The following CTNNA3 variants were observed in gnomAD, a reference collection of about 807,000 sequenced individuals.
CTNNA3 encodes catenin alpha-3.
A neutral mutation model predicts 95.7 loss-of-function variants in CTNNA3; 76 were observed. The observed-to-expected ratio is 0.79, with a 90% CI of 0.66 to 0.96. The LOEUF (loss-of-function observed/expected upper bound fraction) is 0.96, where lower values mean the gene tolerates loss of function less well. Among genes scored for constraint, CTNNA3 ranks in the 40% least tolerant of loss-of-function variants. The pLI, the probability that CTNNA3 is intolerant of heterozygous loss-of-function variation, is 0.00. For synonymous variants in CTNNA3, 431 were observed against 374.4 expected, an observed-to-expected ratio of 1.15 and a Z score of -1.74; for missense variants, 1,191 against 1,089.8, an observed-to-expected ratio of 1.09 and a Z score of -1.31.
intron 2 of CTNNA3, among the ~76,000 whole-genome samples, chr10:67,637,471 C>A (rs1839358757): frequency 6.6e-6 from 1 of 152,182 alleles, no homozygotes; most frequent in Non-Finnish European, 1.5e-5. Context: ...CTTCCCCAAT[C>A]TAGCAAGGCA....
intron 5 of CTNNA3, among the ~76,000 whole-genome samples, chr10:67,419,446 A>G (rs1845665605): frequency 6.6e-6 from 1 of 151,684 alleles, no homozygotes; most frequent in South Asian, 2.1e-4. Flanking sequence ...GGTTTGGAGC[A>G]TGGACCTCGT....
chr10:67,689,692 G>A (rs575128039), intron 1 of CTNNA3, among the ~76,000 whole-genome samples: 96 of 152,076 alleles, frequency 6.3e-4, no homozygotes, highest in Non-Finnish European at 1.1e-3. Context: ...GTCAACCCTC[G>A]GCTCAGCCTG....
chr10:66,199,799 ATATAT>A (rs1346632718), intron 13 of CTNNA3, among the ~76,000 whole-genome samples: 7 of 13,848 alleles, frequency 5.1e-4, no homozygotes, highest in African/African-American at 2.0e-3. Context: ...ATATATATAT[ATATAT>A]ATTTTTTTTT....
intron 5 of CTNNA3, among the ~76,000 whole-genome samples, chr10:67,503,967 C>G (rs536088297): frequency 1.3e-5 from 2 of 151,994 alleles, no homozygotes; most frequent in South Asian, 4.2e-4. Flanking sequence ...ACCATCCTGG[C>G]TAACATGGTG....
intron 9 of CTNNA3, among the ~76,000 whole-genome samples, chr10:66,731,920 T>G (rs529407346): frequency 6.6e-4 from 101 of 152,320 alleles, no homozygotes; most frequent in African/African-American, 2.1e-3. Context: ...TGACCTTAAA[T>G]GTAACAGTTT....
intron 5 of CTNNA3, among the ~76,000 whole-genome samples, chr10:67,312,252 T>C (rs1840843462): frequency 6.6e-6 from 1 of 152,112 alleles, no homozygotes; most frequent in Non-Finnish European, 1.5e-5. Context: ...TTTGACTTTT[T>C]GGTAGAGACG....
intron 5 of CTNNA3, among the ~76,000 whole-genome samples, chr10:67,291,454 C>T (rs528481510): frequency 1.3e-5 from 2 of 152,266 alleles, no homozygotes; most frequent in African/African-American, 4.8e-5. Context: ...CACCTCTTTA[C>T]AAAGCATTTC....
intron 7 of CTNNA3, among the ~76,000 whole-genome samples, chr10:66,808,276 T>G (rs1304297427): frequency 6.6e-6 from 1 of 152,136 alleles, no homozygotes; most frequent in African/African-American, 2.4e-5. Context: ...CCTGGCAAAG[T>G]AGTTAGACCA....
intron 1 of CTNNA3, among the ~76,000 whole-genome samples, chr10:67,724,312 G>T (rs187415982): frequency 6.8e-4 from 103 of 152,242 alleles, no homozygotes; most frequent in Admixed American, 2.6e-3. Context: ...GGAAATGAGG[G>T]TCTATTTTTG....
chr10:66,387,457 C>A (rs139846761), intron 11 of CTNNA3, among the ~76,000 whole-genome samples: 9,434 of 152,042 alleles, frequency 0.062, 410 homozygotes, highest in East Asian at 0.21. Context: ...AGATGCTGGA[C>A]AGGATGTGGA....
chr10:67,156,292 C>G lies in CTNNA3; in HGVS notation c.1047+24025G>C, dbSNP rs147286123. On this transcript the variant is annotated intron_variant, in intron 7 of 17. Transcript: ENST00000433211. ...ATGTTCTCTTGTATTTATTTTTGCT[C>G]TAATCTTTACCATTTCTTTCCTTCT... is the stretch of plus-strand genomic sequence containing the variant. 2.9e-3 allele frequency among the ~76,000 whole-genome samples: 440 copies of G among 151,742 alleles called. 2 individuals are homozygous for G. Among genetic ancestry groups the G allele is most frequent in the African/African-American group, 0.01 (420 of 41,398 alleles).
At chr10:67,351,948 A>C (rs1312786119) in intron 5 of CTNNA3, among the ~76,000 whole-genome samples, 2 of 152,030 alleles carry the variant, frequency 1.3e-5, no homozygotes, top group African/African-American at 4.8e-5. Flanking sequence ...CCTGAAAATG[A>C]TCATCAAAAG....
chr10:67,060,253 G>A (rs886424585), intron 7 of CTNNA3, among the ~76,000 whole-genome samples: 7 of 152,138 alleles, frequency 4.6e-5, no homozygotes, highest in African/African-American at 1.7e-4. Context: ...GGGAGGTAGA[G>A]GCTGCAGTGA....
At chr10:66,050,707 T>C (rs1295727079) in intron 15 of CTNNA3, among the ~76,000 whole-genome samples, 2 of 152,190 alleles carry the variant, frequency 1.3e-5, no homozygotes, top group Non-Finnish European at 2.9e-5. Flanking sequence ...CTACATTCCA[T>C]ATTCCTTCTC....
chr10:66,464,690 G>A (rs188712023), intron 11 of CTNNA3, among the ~76,000 whole-genome samples: 6 of 151,928 alleles, frequency 3.9e-5, no homozygotes, highest in African/African-American at 1.4e-4. Context: ...TTGAACCTAG[G>A]AGACAGAGGT....
intron 10 of CTNNA3, 74 bp from the exon 11 acceptor site, chr10:66,520,847 GC>G: frequency 9.4e-7 from 1 of 1,065,192 alleles, no homozygotes; most frequent in Non-Finnish European, 1.4e-6. Flanking sequence ...CACACTAAAA[GC>G]CCACACTTCA....
At chr10:67,539,223 G>C (rs979150225) in intron 4 of CTNNA3, among the ~76,000 whole-genome samples, 2 of 151,984 alleles carry the variant, frequency 1.3e-5, no homozygotes, top group Non-Finnish European at 2.9e-5. Context: ...TATTTATAGA[G>C]AGCATAGTTA....
intron 7 of CTNNA3, among the ~76,000 whole-genome samples, chr10:66,985,196 A>G (rs1850661022): frequency 6.6e-6 from 1 of 152,234 alleles, no homozygotes; most frequent in South Asian, 2.1e-4. Context: ...AGTAAAAAAC[A>G]AATCAGGTAC....
intron 13 of CTNNA3, among the ~76,000 whole-genome samples, chr10:66,271,674 T>C (rs1589904647): frequency 6.6e-6 from 1 of 152,312 alleles, no homozygotes; most frequent in South Asian, 2.1e-4. Context: ...TATATTCAGC[T>C]ACTTTGAGTC....
Sources: gnomAD v4.1 joint callset for allele counts (sites outside exome capture counted in the v4.1 genomes callset) on GRCh38, gnomAD v4.1.1 for gene constraint, MANE v1.5 for transcripts, NCBI Gene and HGNC (gene_info 2026-07-23, HGNC 2026-07-21) for gene names.